The following DOT1L variants were observed in gnomAD, a reference collection of about 807,000 sequenced individuals.
DOT1L encodes the protein DOT1 like histone lysine methyltransferase.
DOT1L carries 33 observed loss-of-function variants against 153.3 expected under a neutral mutation model. The observed-to-expected ratio is 0.22, with a 90% CI of 0.16 to 0.29. The LOEUF (loss-of-function observed/expected upper bound fraction) is 0.29, where lower values mean the gene tolerates loss of function less well. Ranked by LOEUF, DOT1L falls within the 10% of genes least tolerant of loss-of-function variation. The probability of loss-of-function intolerance (pLI) is 1.00; values close to 1 mark genes in which losing one functional copy is unlikely to be tolerated. For synonymous variants in DOT1L, 1,135 were observed against 965.1 expected, an observed-to-expected ratio of 1.18 and a Z score of -3.26; for missense variants, 1,847 against 2,119.9, an observed-to-expected ratio of 0.87 and a Z score of 2.53.
chr19:2,187,915 C>T (rs918460912), intron 3 of DOT1L, among the ~76,000 whole-genome samples: 1 of 112,338 alleles, frequency 8.9e-6, no homozygotes, highest in Non-Finnish European at 1.9e-5. Flanking sequence ...GAGCGAGACT[C>T]CATCTCAGAA....
intron 1 of DOT1L, among the ~76,000 whole-genome samples, chr19:2,172,423 T>G (rs1268551501): frequency 6.6e-6 from 1 of 151,864 alleles, no homozygotes; most frequent in African/African-American, 2.4e-5. Flanking sequence ...TCTCCTGACC[T>G]CATGATCCAC....
In DOT1L at chr19:2,226,168, T is replaced by C; in HGVS notation, c.3662-15T>C. The C allele has an allele frequency of 6.6e-7, 1 of 1,512,126 alleles. No homozygotes were observed. The highest frequency in any genetic ancestry group is 2.1e-5 in the Admixed American group (1 of 46,826). The allele number at this position is 1,512,126 out of a possible 1,614,324, so 93.7% of individuals were successfully genotyped here. On this transcript the variant is annotated splice_polypyrimidine_tract_variant and intron_variant, in intron 26 of 27. Coordinates refer to ENST00000398665, the MANE Select transcript of DOT1L (RefSeq NM_032482.3). ...GTGCTCTGGGCTCACGGCTTCTGCC[T>C]TTCCTCTTTGCCAGGTGGTGGCTTG...
chr19:2,186,143 A>G (rs1205911654), intron 3 of DOT1L, among the ~76,000 whole-genome samples: 3 of 152,104 alleles, frequency 2.0e-5, no homozygotes, highest in African/African-American at 7.2e-5. Flanking sequence ...AGAATTGGAA[A>G]CTCCGGTTGT....
chr19:2,189,877 G>T, intron 4 of DOT1L, 82 bp downstream of exon 4: 1 of 1,479,100 alleles, frequency 6.8e-7, no homozygotes, highest in East Asian at 2.3e-5. Context: ...CACCGCCTCG[G>T]GGCACAGAGC....
chr19:2,216,202 G>T, intron 19 of DOT1L, 79 bp from the exon 20 acceptor site: 1 of 1,496,436 alleles, frequency 6.7e-7, no homozygotes, highest in Non-Finnish European at 8.9e-7. Context: ...CACCCCTCCG[G>T]GTGTCCATCT....
chr19:2,206,462 G>A (rs1186594310), intron 9 of DOT1L, among the ~76,000 whole-genome samples: 6 of 150,714 alleles, frequency 4.0e-5, no homozygotes. Flanking sequence ...CAAGGCTGAG[G>A]CAGGAGAACC....
intron 1 of DOT1L, among the ~76,000 whole-genome samples, chr19:2,173,645 C>T (rs1026819745): frequency 6.6e-6 from 1 of 152,222 alleles, no homozygotes; most frequent in Non-Finnish European, 1.5e-5. Flanking sequence ...GCCTGCTCAC[C>T]GGCCCTCTCA....
At chr19:2,211,054 T>C in intron 14 of DOT1L, 45 bp from the exon 15 acceptor site, 1 of 1,579,576 alleles carries the variant, frequency 6.3e-7, no homozygotes, top group South Asian at 1.1e-5. Flanking sequence ...TGCCCACCGC[T>C]CTCCCGACCC....
Position 2,216,692 on chromosome 19 carries a change from A to G in DOT1L, c.2335A>G (p.Ile779Val). ...CTACACTAGGCTGTCCCCGGCCAAG[A>G]TTGTGCTGAGGCGGCACCTGAGCCA... ...PDYTRLSPAK[I>V]VLRRHLSQDH... The change falls in exon 20 of 28, where the codon ATT becomes GTT. Residue 779 changes from isoleucine to valine, a missense_variant. Around this residue, in one of 8 missense-constraint regions of DOT1L, gnomAD observed 281 missense variants for 263.6 expected, o/e 1.07. Transcript: ENST00000398665. 3.7e-6 allele frequency: 6 copies of G among 1,603,024 alleles called. No homozygotes were observed. Among genetic ancestry groups the G allele is most frequent in the South Asian group, 1.1e-5 (1 of 91,068 alleles).
chr19:2,223,250 A>G (rs762901898), intron 24 of DOT1L, 31 bp from the exon 25 acceptor site: 3 of 1,610,550 alleles, frequency 1.9e-6, no homozygotes, highest in Admixed American at 1.7e-5. Context: ...GGTCTGTGGT[A>G]TGTGCATCCA....
intron 3 of DOT1L, 104 bp from the exon 4 acceptor site, chr19:2,189,628 G>A (rs2022701057): frequency 1.5e-6 from 2 of 1,325,804 alleles, no homozygotes; most frequent in Admixed American, 3.8e-5. Context: ...GGCTGTCCAG[G>A]CAGGGACCAC....
chr19:2,220,783 A>C lies in DOT1L; in HGVS notation c.2806+561A>C. 2.9e-6 allele frequency: 1 copy of C among 340,574 alleles called. No homozygotes were observed. The highest frequency in any genetic ancestry group is 7.8e-5 in the East Asian group (1 of 12,828). 21.1% of individuals were successfully genotyped at this position (340,574 alleles called of 1,614,324 possible). On this transcript the variant is annotated intron_variant, in intron 23 of 27. Transcript: ENST00000398665. This position sits in a 1 kb window ranked among gnomAD's most constrained non-coding sequence, Gnocchi z 4.5. Reference sequence around the variant, plus strand: ...GCGGGCATGGCTGTGTGCCAGCAAAACTGTACTTAAAACAGCAGAGGACAT... The same window carrying C: ...GCGGGCATGGCTGTGTGCCAGCAAACCTGTACTTAAAACAGCAGAGGACAT...
At position 2,211,141 on chromosome 19, in the gene DOT1L, C is replaced by G; in HGVS notation, c.1394C>G (p.Pro465Arg). The change falls in exon 15 of 28, where the codon CCG (proline) becomes CGG (arginine). Residue 465 changes from proline (P) to arginine (R), a missense_variant. By Grantham distance (103) the Pro-to-Arg change is moderately radical. This residue lies in a region of DOT1L where 205 missense variants were observed against 203.1 expected (regional missense o/e 1.01). Coordinates refer to ENST00000398665, the MANE Select transcript of DOT1L (RefSeq NM_032482.3). ...SPHSPFYQLP[P>R]SVQRHSPNPL... The stretch of plus-strand genomic sequence containing the variant: ...CACAGCCCGTTCTACCAGCTACCTC[C>G]GAGCGTGCAGCGGCACTCCCCCAAC... The G allele has an allele frequency of 1.2e-6, 2 of 1,613,060 alleles. No homozygotes were observed. Among genetic ancestry groups the G allele is most frequent in the Non-Finnish European group, 1.7e-6 (2 of 1,179,808 alleles).
chr19:2,230,637 T>C lies in DOT1L; in HGVS notation c.*845T>C, dbSNP rs1163471550. 3 of 398,502 alleles carry C rather than the reference T, an allele frequency of 7.5e-6. No homozygotes were observed. The highest frequency in any genetic ancestry group is 3.6e-5 in the East Asian group (1 of 28,094). The allele number at this position is 398,502 out of a possible 1,614,324, so 24.7% of individuals were successfully genotyped here. A position where few individuals can be genotyped will look rare whatever the true frequency, so the allele number is the denominator to read the frequency against. Reference sequence around the variant, plus strand: ...TCTGTACAGGAGAGAGTCACACTAATGAGTGGCAGTATTTTATAGAGATGT... The same window carrying C: ...TCTGTACAGGAGAGAGTCACACTAACGAGTGGCAGTATTTTATAGAGATGT... On this transcript the variant is annotated 3_prime_UTR_variant, in exon 28 of 28. Coordinates refer to ENST00000398665, the MANE Select transcript of DOT1L (RefSeq NM_032482.3).
Position 2,226,577 on chromosome 19 carries a change from C to G in DOT1L, c.4056C>G (p.Ser1352Arg). 6.2e-7 allele frequency: 1 copy of G among 1,600,378 alleles called. No individual in the cohort carries two copies. Among genetic ancestry groups the G allele is most frequent in the Non-Finnish European group, 8.5e-7 (1 of 1,178,300 alleles). Reference sequence around the variant, plus strand: ...CGGCCGGCCTGAGCTCCCCGCTGAGCTTCCCCTCGCAGCGCGGCAAGGAGG... The same window carrying G: ...CGGCCGGCCTGAGCTCCCCGCTGAGGTTCCCCTCGCAGCGCGGCAAGGAGG... ...PEAAGLSSPL[S>R]FPSQRGKEGS... Residue 1352 changes from serine (S) to arginine (R), a missense_variant, in exon 27 of 28, where the codon AGC becomes AGG. Around this residue, in one of 8 missense-constraint regions of DOT1L, gnomAD observed 934 missense variants for 825.3 expected, o/e 1.13. Coordinates refer to ENST00000398665, the MANE Select transcript of DOT1L (RefSeq NM_032482.3).
chr19:2,209,043 C>G, intron 12 of DOT1L, 67 bp downstream of exon 12: 2 of 1,554,284 alleles, frequency 1.3e-6, no homozygotes, highest in Non-Finnish European at 8.8e-7. Context: ...AATGCAAAGC[C>G]GTGCGCAGCC....
chr19:2,171,240 G>A (rs978398387), intron 1 of DOT1L, among the ~76,000 whole-genome samples: 1 of 152,140 alleles, frequency 6.6e-6, no homozygotes, highest in Non-Finnish European at 1.5e-5. Flanking sequence ...GTACAGCAGG[G>A]GCCCCAGAGG....
intron 1 of DOT1L, among the ~76,000 whole-genome samples, chr19:2,167,515 G>T (rs900440102): frequency 2.6e-5 from 4 of 152,208 alleles, no homozygotes; most frequent in Admixed American, 2.0e-4. Flanking sequence ...TCCCTCCCTG[G>T]CCAGGCCCTG....
intron 1 of DOT1L, among the ~76,000 whole-genome samples, chr19:2,171,628 C>T (rs1426836937): frequency 6.6e-6 from 1 of 152,190 alleles, no homozygotes; most frequent in Non-Finnish European, 1.5e-5. Context: ...CGCCGGGTGT[C>T]GCTCCGTGTT....
Sources: gnomAD v4.1 joint callset for allele counts (sites outside exome capture counted in the v4.1 genomes callset) on GRCh38, gnomAD v4.1.1 for gene constraint, gnomAD v4.1.1 regional missense constraint, Gnocchi (gnomAD v3.1) non-coding constraint, MANE v1.5 for transcripts, NCBI Gene and HGNC (gene_info 2026-07-23, HGNC 2026-07-21) for gene names.